Variants in CEP95 observed in about 807,000 individuals in gnomAD.
The protein encoded by CEP95 is centrosomal protein of 95 kDa.
Under a neutral mutation model 111.2 loss-of-function variants are expected in CEP95, and 98 were observed. That is an observed-to-expected ratio of 0.88 (90% confidence interval 0.75 to 1.04). CEP95 has a LOEUF of 1.04. CEP95 is among the 50% of genes least tolerant of loss of function. The pLI is 0.00. For missense variants in CEP95, 1,027 were observed against 977.2 expected (o/e 1.05, Z -0.68); for synonymous variants, 323 against 327.1 (o/e 0.99, Z 0.14).
chr17:64,515,278 T>A (rs1312608872), intron 4 of CEP95, among the ~76,000 whole-genome samples: 1 of 152,034 alleles, frequency 6.6e-6, no homozygotes, highest in African/African-American at 2.4e-5. Flanking sequence ...AATAAAAGCA[T>A]AAAGGGGGAA....
At chr17:64,532,272 A>T in intron 14 of CEP95, 1 of 1,221,324 alleles carries the variant, frequency 8.2e-7, no homozygotes, top group South Asian at 3.0e-5. Flanking sequence ...CTCCAGCGTT[A>T]GCCTCACTCG....
At chr17:64,512,487 G>A (rs1195416809) in intron 3 of CEP95, among the ~76,000 whole-genome samples, 5 of 152,030 alleles carry the variant, frequency 3.3e-5, no homozygotes, top group African/African-American at 1.2e-4. Context: ...TGTATTATGT[G>A]TATTTCATTT....
In CEP95 at chr17:64,521,526, CAG is replaced by C. The variant is rs781823956; in HGVS notation, c.715_715+1del. ...AGAGTAGGACATCCTTTGTTGAAGACAGTGAGTTGTAATGGATGTTAGTTCTT... is the reference window on the plus strand; with the variant it reads ...AGAGTAGGACATCCTTTGTTGAAGACTGAGTTGTAATGGATGTTAGTTCTT... On this transcript the variant is annotated splice_donor_variant and coding_sequence_variant, in exon 7 of 20. Coordinates refer to ENST00000556440, the MANE Select transcript of CEP95 (RefSeq NM_138363.3). LOFTEE classifies it high-confidence loss of function. The C allele has an allele frequency of 7.5e-6, 12 of 1,609,354 alleles. No individual in the cohort carries two copies. Among genetic ancestry groups the C allele is most frequent in the Non-Finnish European group, 8.5e-6 (10 of 1,177,896 alleles).
intron 3 of CEP95, among the ~76,000 whole-genome samples, chr17:64,512,686 A>G (rs916035142): frequency 1.3e-5 from 2 of 152,188 alleles, no homozygotes; most frequent in Non-Finnish European, 2.9e-5. Context: ...GATACTGACA[A>G]GAACAAATTT....
intron 2 of CEP95, among the ~76,000 whole-genome samples, chr17:64,509,144 G>T (rs2038754018): frequency 1.3e-5 from 2 of 152,114 alleles, no homozygotes; most frequent in African/African-American, 4.8e-5. Flanking sequence ...CCAGTGCTAG[G>T]GATAAGAATT....
chr17:64,520,038 C>T (rs1344750869), intron 6 of CEP95, among the ~76,000 whole-genome samples: 4 of 152,120 alleles, frequency 2.6e-5, no homozygotes, highest in Non-Finnish European at 4.4e-5. Context: ...ACTCACCCTC[C>T]AGTAGACCAA....
At chr17:64,507,600 T>C in intron 1 of CEP95, 1 of 1,004,754 alleles carries the variant, frequency 1.0e-6, no homozygotes, top group Non-Finnish European at 1.2e-6. Flanking sequence ...TCTAGAGTCA[T>C]GGGCTTTGTC....
chr17:64,536,533 C>A, intron 17 of CEP95, 69 bp from the exon 18 acceptor site: 2 of 1,057,652 alleles, frequency 1.9e-6, no homozygotes, highest in South Asian at 1.9e-5. Context: ...GAAATACAAT[C>A]AGTATATACC....
intron 2 of CEP95, among the ~76,000 whole-genome samples, chr17:64,509,434 T>G (rs1382445616): frequency 4.6e-5 from 7 of 152,214 alleles, no homozygotes; most frequent in African/African-American, 1.7e-4. Context: ...CCCATTACCT[T>G]GGGAGGCTCA....
In CEP95 at chr17:64,537,048, T is replaced by C; in HGVS notation, c.2225T>C (p.Leu742Ser). Residue 742 changes from leucine (L) to serine (S), a missense_variant, in exon 19 of 20, where the codon TTG (leucine) becomes TCG (serine). Coordinates refer to ENST00000556440, the MANE Select transcript of CEP95 (RefSeq NM_138363.3). ...TTTTCTTCCTATAAACAGTTTTCAT[T>C]GCTGGCAGAAGCCATATCACAGGAA... ...MENYYKDQFSLLAEAISQEHQ... is the reference protein window; with the variant it reads ...MENYYKDQFSSLAEAISQEHQ... The C allele has an allele frequency of 6.2e-7, 1 of 1,611,770 alleles. No individual in the cohort carries two copies. Among genetic ancestry groups the C allele is most frequent in the Non-Finnish European group, 8.5e-7 (1 of 1,178,720 alleles).
intron 1 of CEP95, chr17:64,507,365 C>G (rs572065642): frequency 2.8e-6 from 4 of 1,411,528 alleles, no homozygotes; most frequent in Non-Finnish European, 3.7e-6. Context: ...CACTTGGGTC[C>G]TGGCTGTAAA....
chr17:64,524,202 T>TA (rs1315809849), intron 8 of CEP95, among the ~76,000 whole-genome samples: 2 of 152,182 alleles, frequency 1.3e-5, no homozygotes, highest in Non-Finnish European at 2.9e-5. Context: ...GGGTGGCAGT[T>TA]AAAGGGGAGT....
rs2038825187 is a variant in CEP95, at chr17:64,510,293, A to G, written c.256+13A>G. 6 of 1,419,300 alleles carry G rather than the reference A, an allele frequency of 4.2e-6. No individual in the cohort carries two copies. Among genetic ancestry groups the G allele is most frequent in the South Asian group, 3.5e-5 (3 of 84,912 alleles). The allele number at this position is 1,419,300 out of a possible 1,614,324, so 87.9% of individuals were successfully genotyped here. Reference sequence around the variant, plus strand: ...TCTCACATAACAGGTTGGTATATGTATAACTATCACATAATTATGCATTTT... The same window carrying G: ...TCTCACATAACAGGTTGGTATATGTGTAACTATCACATAATTATGCATTTT... On this transcript the variant is annotated intron_variant, in intron 3 of 19. Transcript: ENST00000556440.
At chr17:64,536,186 G>GACTC (rs1555681498) in intron 17 of CEP95, 1 of 154,290 alleles carries the variant, frequency 6.5e-6, no homozygotes, top group African/African-American at 2.4e-5. Flanking sequence ...GGTAAGGCTG[G>GACTC]ACTCAGTGGC....
intron 6 of CEP95, among the ~76,000 whole-genome samples, chr17:64,519,856 T>C (rs1198955826): frequency 1.3e-5 from 2 of 152,250 alleles, no homozygotes; most frequent in African/African-American, 2.4e-5. Flanking sequence ...CAACAGCCTA[T>C]TGCTTGCACA....
At chr17:64,527,593 A>G (rs782301308) in intron 11 of CEP95, among the ~76,000 whole-genome samples, 5 of 152,098 alleles carry the variant, frequency 3.3e-5, no homozygotes, top group African/African-American at 7.2e-5. Context: ...TTAAGAGCTC[A>G]TGCATTACTT....
chr17:64,537,105 A>G lies in CEP95; in HGVS notation c.2282A>G (p.Gln761Arg). ...HQELKAREKS[Q>R]AQTLHKVKRE... ...GAACTTAAAGCCAGAGAGAAATCTC[A>G]GGCCCAGGTAATAATTAAGATAGAA... Residue 761 changes from glutamine (Q) to arginine (R), a missense_variant, in exon 19 of 20, where the codon CAG (glutamine) becomes CGG (arginine). By Grantham distance (43) the Gln-to-Arg change is conservative. Transcript: ENST00000556440. The G allele has an allele frequency of 6.2e-7, 1 of 1,611,534 alleles. No homozygotes were observed. Among genetic ancestry groups the G allele is most frequent in the Admixed American group, 1.7e-5 (1 of 59,864 alleles).
intron 3 of CEP95, 30 bp downstream of exon 3, chr17:64,510,310 A>G (rs1555674553): frequency 7.8e-7 from 1 of 1,274,824 alleles, no homozygotes; most frequent in East Asian, 2.4e-5. Context: ...TCACATAATT[A>G]TGCATTTTAG....
chr17:64,525,958 A>G, intron 9 of CEP95, 76 bp downstream of exon 9: 1 of 1,487,788 alleles, frequency 6.7e-7, no homozygotes, highest in East Asian at 2.3e-5. Context: ...TGATCTCCAA[A>G]TTTAGCTGTG....
Sources: gnomAD v4.1 joint callset for allele counts (sites outside exome capture counted in the v4.1 genomes callset) on GRCh38, gnomAD v4.1.1 for gene constraint, MANE v1.5 for transcripts, NCBI Gene and HGNC (gene_info 2026-07-23, HGNC 2026-07-21) for gene names.